The following ATG14 variants were observed in gnomAD, a reference collection of about 807,000 sequenced individuals.
The protein encoded by ATG14 is beclin 1-associated autophagy-related key regulator.
ATG14 carries 35 observed loss-of-function variants against 60.4 expected under a neutral mutation model. The ratio of observed to expected loss-of-function variants is 0.58; its 90% CI spans 0.44 to 0.77. ATG14 has a LOEUF of 0.77. Ranked by LOEUF, ATG14 falls within the 30% of genes least tolerant of loss-of-function variation. The pLI is 0.00. For synonymous variants in ATG14, 234 were observed against 228.8 expected (o/e 1.02, Z -0.21); for missense variants, 647 against 626.3 (o/e 1.03, Z -0.35).
At position 55,367,472 on chromosome 14, in the gene ATG14, G is replaced by A. The variant is rs1236650990; in HGVS notation, c.*2147C>T. ...AAGAACCCATAAGGGGCCGGGCGCG[G>A]TGGCTCAGGCCTGTAATCCTAGCAC... is the stretch of plus-strand genomic sequence containing the variant. On this transcript the variant is annotated 3_prime_UTR_variant, in exon 10 of 10. Transcript: ENST00000247178. The A allele has an allele frequency of 6.6e-6, 1 of 152,220 alleles. No individual in the cohort carries two copies. The highest frequency in any genetic ancestry group is 1.5e-5 in the Non-Finnish European group (1 of 68,056). The allele number at this position is 152,220 out of a possible 1,614,324, so 9.4% of individuals were successfully genotyped here.
intron 5 of ATG14, 67 bp from the exon 6 acceptor site, chr14:55,382,258 C>T: frequency 7.2e-7 from 1 of 1,390,078 alleles, no homozygotes; most frequent in South Asian, 1.2e-5. Context: ...AATATAACTG[C>T]AAGACATGCT....
At chr14:55,376,194 CGTCA>C (rs1358151346) in intron 9 of ATG14, among the ~76,000 whole-genome samples, 1 of 152,188 alleles carries the variant, frequency 6.6e-6, no homozygotes, top group African/African-American at 2.4e-5. Context: ...CCATACTAAG[CGTCA>C]GTTTCTCCTG....
intron 3 of ATG14, among the ~76,000 whole-genome samples, chr14:55,395,419 C>G (rs1053258826): frequency 6.6e-6 from 1 of 152,246 alleles, no homozygotes; most frequent in South Asian, 2.1e-4. Flanking sequence ...GTGGCACGAT[C>G]TTGGCTCACT....
chr14:55,382,285 G>C, intron 5 of ATG14, 94 bp from the exon 6 acceptor site: 1 of 1,047,726 alleles, frequency 9.5e-7, no homozygotes, highest in Non-Finnish European at 1.4e-6. Context: ...TCGAAAAGCT[G>C]CCTATGAGCA....
rs185173992 is a variant in ATG14, at chr14:55,405,355, A to C, written c.221+6247T>G. Among the ~76,000 whole-genome samples, 312 of 152,322 alleles carry C rather than the reference A, an allele frequency of 2.0e-3. 3 individuals carry two copies. The highest frequency in any genetic ancestry group is 7.2e-3 in the African/African-American group (300 of 41,554). ...TTCCTCATCCTTTATCCCATTTCTC[A>C]ATTTGTTTAGGGCATGCATTTCTGT... is the stretch of plus-strand genomic sequence containing the variant. On this transcript the variant is annotated intron_variant, in intron 1 of 9. Coordinates refer to ENST00000247178, the MANE Select transcript of ATG14 (RefSeq NM_014924.5).
rs181397685 is a variant in ATG14, at chr14:55,411,494, C to T, written c.221+108G>A. 9.9e-6 allele frequency: 11 copies of T among 1,110,866 alleles called. No homozygotes were observed. In the Admixed American group the frequency reaches 2.6e-4, roughly 27 times the overall value. The allele number at this position is 1,110,866 out of a possible 1,614,324, so 68.8% of individuals were successfully genotyped here. On this transcript the variant is annotated intron_variant, in intron 1 of 9. Coordinates refer to ENST00000247178, the MANE Select transcript of ATG14 (RefSeq NM_014924.5). ...GCTACACTCCCTCTCTCTCGCTCCT[C>T]TCGCTGGTATCTGGTGCCCGGACGG...
intron 4 of ATG14, 25 bp from the exon 5 acceptor site, chr14:55,386,121 C>A (rs367962602): frequency 1.3e-6 from 2 of 1,578,120 alleles, no homozygotes; most frequent in Non-Finnish European, 8.7e-7. Flanking sequence ...TCACACCCAA[C>A]AATTATCTCT....
intron 7 of ATG14, among the ~76,000 whole-genome samples, chr14:55,379,809 A>AG (rs1258955762): frequency 6.6e-6 from 1 of 152,218 alleles, no homozygotes; most frequent in Non-Finnish European, 1.5e-5. Flanking sequence ...TGCAACCTCC[A>AG]GCTCCCGGAT....
chr14:55,410,976 T>G (rs1319239670), intron 1 of ATG14, among the ~76,000 whole-genome samples: 2 of 152,172 alleles, frequency 1.3e-5, no homozygotes, highest in East Asian at 3.8e-4. Flanking sequence ...TTCTCTTAAC[T>G]AAAAGCATGC....
chr14:55,374,353 A>C (rs1566577366), intron 9 of ATG14, among the ~76,000 whole-genome samples: 1 of 152,094 alleles, frequency 6.6e-6, no homozygotes, highest in Non-Finnish European at 1.5e-5. Flanking sequence ...TTCTTGTGTG[A>C]GCCGCATGTT....
At chr14:55,374,818 T>A (rs563313622) in intron 9 of ATG14, among the ~76,000 whole-genome samples, 1 of 152,348 alleles carries the variant, frequency 6.6e-6, no homozygotes, top group African/African-American at 2.4e-5. Flanking sequence ...TTTCCACATA[T>A]ACAAGAGTCT....
At chr14:55,393,884 C>T (rs1026683192) in intron 3 of ATG14, among the ~76,000 whole-genome samples, 3 of 151,764 alleles carry the variant, frequency 2.0e-5, no homozygotes, top group Non-Finnish European at 4.4e-5. Context: ...ATTTAAAATA[C>T]ATAAATGAAA....
rs1212794360 is a variant in ATG14 at position 55,402,763 on chromosome 14, C to T, written c.222-5329G>A. ...AGGAATAAAGGTTAAAAATCATTTA[C>T]AGAAATTAGAAACAGGCCAGGTGTG... On this transcript the variant is annotated intron_variant, in intron 1 of 9. Transcript: ENST00000247178. Among the ~76,000 whole-genome samples the T allele has an allele frequency of 3.4e-5, 5 of 148,486 alleles. No homozygotes were observed. In the East Asian group the frequency reaches 7.9e-4, roughly 23 times the overall value.
chr14:55,380,876 T>TATATATATATATATATA (rs1555341864), intron 6 of ATG14, among the ~76,000 whole-genome samples, 186 bp from the exon 7 acceptor site: 32 of 84,278 alleles, frequency 3.8e-4, no homozygotes, highest in African/African-American at 9.8e-4. Context: ...TATATATATA[T>TATATATATATATATATA]TTTTTTTTTT....
At chr14:55,405,892 G>A (rs8020065) in intron 1 of ATG14, among the ~76,000 whole-genome samples, 3 of 151,940 alleles carry the variant, frequency 2.0e-5, no homozygotes, top group Non-Finnish European at 4.4e-5. Context: ...GGGGTGGCGG[G>A]GGGGGCAGGG....
Position 55,368,152 on chromosome 14 carries a change from GT to G in ATG14, c.*1466del, listed in dbSNP as rs1884725661. 1 of 152,510 alleles carries G rather than the reference GT, an allele frequency of 6.6e-6. No individual in the cohort carries two copies. Among genetic ancestry groups the G allele is most frequent in the African/African-American group, 2.4e-5 (1 of 41,414 alleles). 9.4% of individuals were successfully genotyped at this position (152,510 alleles called of 1,614,324 possible). A position where few individuals can be genotyped will look rare whatever the true frequency, so the allele number is the denominator to read the frequency against. ...TGTACATAATGCCTCTCTCATTATA[GT>G]TTTCTTGTAAGATTGTCACTAAAAG... is the stretch of plus-strand genomic sequence containing the variant. On this transcript the variant is annotated 3_prime_UTR_variant, in exon 10 of 10. Transcript: ENST00000247178.
rs1409037908 is a variant in ATG14 at position 55,366,924 on chromosome 14, T to C, written c.*2695A>G. On this transcript the variant is annotated 3_prime_UTR_variant, in exon 10 of 10. Coordinates refer to ENST00000247178, the MANE Select transcript of ATG14 (RefSeq NM_014924.5). Reference sequence around the variant, plus strand: ...TACTTAAGAGTATTTACAGGGTGGATCCAGTGCAAAATAATGAAACCCAAA... The same window carrying C: ...TACTTAAGAGTATTTACAGGGTGGACCCAGTGCAAAATAATGAAACCCAAA... 1 of 152,568 alleles carries C rather than the reference T, an allele frequency of 6.6e-6. No homozygotes were observed. Among genetic ancestry groups the C allele is most frequent in the African/African-American group, 2.4e-5 (1 of 41,440 alleles). The allele number at this position is 152,568 out of a possible 1,614,324, so 9.5% of individuals were successfully genotyped here. A position where few individuals can be genotyped will look rare whatever the true frequency, so the allele number is the denominator to read the frequency against.
chr14:55,389,649 G>A (rs933924821), intron 4 of ATG14, among the ~76,000 whole-genome samples: 5 of 152,176 alleles, frequency 3.3e-5, no homozygotes, highest in African/African-American at 1.2e-4. Context: ...CTTGCTGCCG[G>A]CACTCATTTA....
intron 1 of ATG14, among the ~76,000 whole-genome samples, chr14:55,410,829 T>C (rs940355375): frequency 1.3e-5 from 2 of 152,208 alleles, no homozygotes; most frequent in Admixed American, 6.5e-5. Context: ...TTGACTATCA[T>C]TGACACTAAA....
Sources: allele counts gnomAD v4.1 joint callset (sites outside exome capture counted in the v4.1 genomes callset), GRCh38; gene constraint gnomAD v4.1.1; transcripts MANE v1.5; gene names NCBI Gene and HGNC (gene_info 2026-07-23, HGNC 2026-07-21).